The following ADCY10 variants were observed in gnomAD, a reference collection of about 807,000 sequenced individuals.
The protein encoded by ADCY10 is adenylate cyclase 10, also known as adenylate cyclase type 10.
A neutral mutation model predicts 183.3 loss-of-function variants in ADCY10; 156 were observed. That is an observed-to-expected ratio of 0.85 (90% CI 0.75 to 0.97). The LOEUF is 0.97. Ranked by LOEUF, ADCY10 falls within the 50% of genes least tolerant of loss-of-function variation. ADCY10 has a pLI of 0.00. For synonymous variants in ADCY10, 645 were observed against 670.0 expected (o/e 0.96, Z 0.58); for missense variants, 1,745 against 1,934.3 (o/e 0.90, Z 1.84).
chr1:167,831,725 T>A (rs1055319044), intron 25 of ADCY10, among the ~76,000 whole-genome samples: 4 of 152,234 alleles, frequency 2.6e-5, no homozygotes, highest in Non-Finnish European at 4.4e-5. Context: ...TTTTAGCAGA[T>A]GAAAATACAG....
intron 5 of ADCY10, among the ~76,000 whole-genome samples, chr1:167,899,914 C>T (rs979332113): frequency 6.6e-6 from 1 of 152,178 alleles, no homozygotes; most frequent in Admixed American, 6.5e-5. Flanking sequence ...ACCTTTTCTT[C>T]AATTATGTAT....
chr1:167,882,055 A>G (rs1667900388), intron 9 of ADCY10, among the ~76,000 whole-genome samples: 1 of 152,230 alleles, frequency 6.6e-6, no homozygotes, highest in Non-Finnish European at 1.5e-5. Context: ...TTGTTGAATT[A>G]GTGAGTGAGT....
intron 23 of ADCY10, 53 bp downstream of exon 23, chr1:167,836,256 A>G (rs975506704): frequency 1.7e-5 from 21 of 1,235,782 alleles, no homozygotes; most frequent in African/African-American, 3.0e-5. Context: ...TTCTGGCTCT[A>G]TGTTCTATGA....
rs115604333 is a variant in ADCY10 at position 167,864,527 on chromosome 1, C to T, written c.1617-3464G>A. 9.7e-3 allele frequency among the ~76,000 whole-genome samples: 1,477 copies of T among 151,906 alleles called. 24 individuals are homozygous for T. The highest frequency in any genetic ancestry group is 0.034 in the African/African-American group (1,415 of 41,378). Reference sequence around the variant, plus strand: ...CAGCTGGTTTTAGACCCCCTTCGCCCCCACAGTAGTTAAGAGAGGCAGAAA... The same window carrying T: ...CAGCTGGTTTTAGACCCCCTTCGCCTCCACAGTAGTTAAGAGAGGCAGAAA... On this transcript the variant is annotated intron_variant, in intron 14 of 32. Transcript: ENST00000367851.
Position 167,840,562 on chromosome 1 carries a change from T to C in ADCY10, c.3008-3244A>G, listed in dbSNP as rs151069956. ...TAGTGGAGATGGGGTTTCACTGTGT[T>C]AGCTAGGATGGTCTCAATCTCCTGA... On this transcript the variant is annotated intron_variant, in intron 21 of 32. Transcript: ENST00000367851. Among the ~76,000 whole-genome samples the C allele has an allele frequency of 8.0e-3, 1,220 of 152,082 alleles. 15 individuals carry two copies. The highest frequency in any genetic ancestry group is 0.028 in the African/African-American group (1,149 of 41,476).
rs1665028358 is a variant in ADCY10 at position 167,846,341 on chromosome 1, G to C, written c.2438-78C>G. Reference sequence around the variant, plus strand: ...ATGCTGTATTTAATATAGAGCAGGTGGACAACCATCCTGCTCTACAGTTCT... The same window carrying C: ...ATGCTGTATTTAATATAGAGCAGGTCGACAACCATCCTGCTCTACAGTTCT... On this transcript the variant is annotated intron_variant, in intron 19 of 32. Transcript: ENST00000367851. 5 of 1,527,558 alleles carry C rather than the reference G, an allele frequency of 3.3e-6. No individual in the cohort carries two copies. In the South Asian group the frequency reaches 5.6e-5, roughly 17 times the overall value. 94.6% of individuals were successfully genotyped at this position (1,527,558 alleles called of 1,614,324 possible).
At chr1:167,905,319 T>C (rs1444339475) in intron 1 of ADCY10, 121 bp from the exon 2 acceptor site, 8 of 767,754 alleles carry the variant, frequency 1.0e-5, no homozygotes, top group Non-Finnish European at 1.5e-5. Context: ...AATGCCAGAG[T>C]TGTTGAGCCA....
intron 11 of ADCY10, 46 bp downstream of exon 11, chr1:167,880,069 G>A: frequency 6.6e-6 from 10 of 1,524,746 alleles, no homozygotes; most frequent in Non-Finnish European, 8.1e-6. Flanking sequence ...GTGGCAAGGT[G>A]CTGTGTTTGC....
In ADCY10 at chr1:167,885,585, C is replaced by A. The variant is rs146063509; in HGVS notation, c.829-1957G>T. ...CACATATTTTTCACATACTTGTTTG[C>A]CATTTGTATGTCTTCCTTTGAGAAA... On this transcript the variant is annotated intron_variant, in intron 8 of 32. Transcript: ENST00000367851. Among the ~76,000 whole-genome samples the A allele has an allele frequency of 5.3e-3, 802 of 152,100 alleles. 8 individuals are homozygous for A. Among genetic ancestry groups the A allele is most frequent in the African/African-American group, 0.018 (755 of 41,478 alleles).
At chr1:167,891,776 C>T (rs531618323) in intron 8 of ADCY10, among the ~76,000 whole-genome samples, 12 of 152,128 alleles carry the variant, frequency 7.9e-5, no homozygotes, top group Admixed American at 3.3e-4. Context: ...TGCACTTTCT[C>T]CCCGAAATAG....
In ADCY10 at chr1:167,903,908, G is replaced by A. The variant is rs1446930191; in HGVS notation, c.232C>T (p.His78Tyr). ...AEQLVEILNY[H>Y]ISAIVEKVLI... ...TTACTCTCCACTATTGCACTTATGT[G>A]GTAGTTGAGGATCTCCACCAACTGC... Residue 78 changes from histidine to tyrosine, a missense_variant, in exon 3 of 33, where the codon CAC (histidine) becomes TAC (tyrosine). Coordinates refer to ENST00000367851, the MANE Select transcript of ADCY10 (RefSeq NM_018417.6). The A allele has an allele frequency of 6.2e-7, 1 of 1,612,212 alleles. No individual in the cohort carries two copies. The highest frequency in any genetic ancestry group is 8.5e-7 in the Non-Finnish European group (1 of 1,178,378).
intron 14 of ADCY10, among the ~76,000 whole-genome samples, chr1:167,861,805 G>A (rs1192579717): frequency 1.3e-5 from 2 of 152,148 alleles, no homozygotes; most frequent in Admixed American, 6.5e-5. Context: ...GAGTGTCAGG[G>A]GAGAGACCTG....
At chr1:167,847,020 G>A (rs924482544) in intron 19 of ADCY10, among the ~76,000 whole-genome samples, 3 of 151,768 alleles carry the variant, frequency 2.0e-5, no homozygotes, top group African/African-American at 4.8e-5. Flanking sequence ...CCGCCTCCTG[G>A]GTTCAAGAGA....
At chr1:167,864,554 A>G (rs1002044276) in intron 14 of ADCY10, among the ~76,000 whole-genome samples, 15 of 152,272 alleles carry the variant, frequency 9.9e-5, no homozygotes, top group African/African-American at 3.1e-4. Flanking sequence ...AGGCAGAAAG[A>G]GAGGAAGAAA....
At chr1:167,887,508 A>C (rs973766706) in intron 8 of ADCY10, among the ~76,000 whole-genome samples, 2 of 152,064 alleles carry the variant, frequency 1.3e-5, no homozygotes, top group Non-Finnish European at 2.9e-5. Flanking sequence ...GAACACTTAG[A>C]CACAGGGTGG....
intron 9 of ADCY10, among the ~76,000 whole-genome samples, chr1:167,881,122 T>C (rs1667844459): frequency 6.6e-6 from 1 of 152,222 alleles, no homozygotes; most frequent in Non-Finnish European, 1.5e-5. Context: ...GTTATATATA[T>C]TCAAAAAGTC....
intron 21 of ADCY10, 29 bp from the exon 22 acceptor site, chr1:167,837,347 G>A (rs1386299331): frequency 6.4e-7 from 1 of 1,568,888 alleles, no homozygotes; most frequent in East Asian, 2.2e-5. Context: ...AGTTGTATGG[G>A]TCATTGAAAT....
At chr1:167,852,945 A>C (rs1390800767) in intron 18 of ADCY10, among the ~76,000 whole-genome samples, 1 of 152,170 alleles carries the variant, frequency 6.6e-6, no homozygotes, top group Non-Finnish European at 1.5e-5. Context: ...GGGACATCTG[A>C]GCATCATTCA....
intron 23 of ADCY10, among the ~76,000 whole-genome samples, 200 bp downstream of exon 23, chr1:167,836,109 A>G (rs1401264952): frequency 1.3e-5 from 2 of 152,174 alleles, no homozygotes; most frequent in Non-Finnish European, 2.9e-5. Flanking sequence ...ATAATTTACA[A>G]TGCTAGTTGC....
Sources: allele counts gnomAD v4.1 joint callset (sites outside exome capture counted in the v4.1 genomes callset), GRCh38; gene constraint gnomAD v4.1.1; transcripts MANE v1.5; gene names NCBI Gene and HGNC (gene_info 2026-07-23, HGNC 2026-07-21).